The following TEKT5 variants were observed in gnomAD, a reference collection of about 807,000 sequenced individuals.
The protein encoded by TEKT5 is tektin-5.
Under a neutral mutation model 48.7 loss-of-function variants are expected in TEKT5, and 52 were observed. The ratio of observed to expected loss-of-function variants is 1.07; its 90% CI spans 0.86 to 1.35. TEKT5 has a LOEUF of 1.35. TEKT5 is among the 40% of genes most tolerant of loss of function. TEKT5 has a pLI of 0.00. For missense variants in TEKT5, 831 were observed against 641.6 expected, an observed-to-expected ratio of 1.30 and a Z score of -3.19; for synonymous variants, 318 against 267.6, an observed-to-expected ratio of 1.19 and a Z score of -1.84.
chr16:10,672,723 G>C (rs577151365), intron 5 of TEKT5, among the ~76,000 whole-genome samples: 2 of 152,294 alleles, frequency 1.3e-5, no homozygotes, highest in East Asian at 3.9e-4. Flanking sequence ...ATATAGGCAA[G>C]TAAATCAACT....
chr16:10,676,880 T>C (rs1898656027), intron 4 of TEKT5, among the ~76,000 whole-genome samples: 2 of 151,600 alleles, frequency 1.3e-5, no homozygotes, highest in Admixed American at 1.3e-4. Flanking sequence ...TTGTGTTATG[T>C]GCTGGGAAGG....
intron 3 of TEKT5, among the ~76,000 whole-genome samples, chr16:10,687,293 A>G (rs1490179699): frequency 2.0e-5 from 3 of 152,240 alleles, no homozygotes; most frequent in African/African-American, 7.2e-5. Context: ...TGAAATACAC[A>G]CGTAATTTCA....
At chr16:10,639,296 A>AGAGC (rs1440314074) in intron 5 of TEKT5, among the ~76,000 whole-genome samples, 3,382 of 151,160 alleles carry the variant, frequency 0.022, 126 homozygotes, top group African/African-American at 0.079. Flanking sequence ...TCCAAAAAAC[A>AGAGC]AAAACCCTAT....
At chr16:10,687,471 C>T (rs139744590) in intron 3 of TEKT5, among the ~76,000 whole-genome samples, 517 of 152,344 alleles carry the variant, frequency 3.4e-3, no homozygotes, top group Non-Finnish European at 6.3e-3. Flanking sequence ...TTAGGCCAGG[C>T]GCAGTGACTC....
chr16:10,629,238 A>G (rs1303040751), intron 6 of TEKT5, among the ~76,000 whole-genome samples: 1 of 151,750 alleles, frequency 6.6e-6, no homozygotes, highest in Non-Finnish European at 1.5e-5. Flanking sequence ...TTTGTGTTAC[A>G]TGTATTTTAT....
chr16:10,633,089 T>A (rs552989374), intron 6 of TEKT5, among the ~76,000 whole-genome samples: 1 of 152,316 alleles, frequency 6.6e-6, no homozygotes, highest in South Asian at 2.1e-4. Flanking sequence ...GGGCCGCCAC[T>A]GTGGCTCATG....
At chr16:10,634,131 T>A (rs139644885) in intron 6 of TEKT5, among the ~76,000 whole-genome samples, 196 of 152,336 alleles carry the variant, frequency 1.3e-3, no homozygotes, top group Admixed American at 2.3e-3. Context: ...TAGTGCTGTG[T>A]GACTGGGACA....
At chr16:10,658,673 C>A (rs75058356) in intron 5 of TEKT5, among the ~76,000 whole-genome samples, 6,823 of 152,040 alleles carry the variant, frequency 0.045, 497 homozygotes, top group African/African-American at 0.16. Context: ...GGTTTCCCAA[C>A]CTCATCACCT....
In TEKT5 at chr16:10,689,954, T is replaced by G; in HGVS notation, c.636A>C (p.Lys212Asn). 1 of 1,614,042 alleles carries G rather than the reference T, an allele frequency of 6.2e-7. No homozygotes were observed. The highest frequency in any genetic ancestry group is 8.5e-7 in the Non-Finnish European group (1 of 1,179,998). ...GIDLVHDNVE[K>N]NLIREVDLLK... is the part of the protein sequence containing the mutation. ...GGAGATGCCTTACCCGGATAAGGTT[T>G]TTCTCCACGTTGTCATGGACCAAAT... The change falls in exon 2 of 7, where the codon AAA (lysine) becomes AAC (asparagine). Residue 212 changes from lysine to asparagine, a missense_variant. Coordinates refer to ENST00000283025, the MANE Select transcript of TEKT5 (RefSeq NM_144674.2).
intron 1 of TEKT5, chr16:10,690,810 T>C (rs1898959392): frequency 2.4e-5 from 24 of 984,262 alleles, no homozygotes; most frequent in Non-Finnish European, 2.7e-5. Context: ...CAGCCCGTGA[T>C]GTCACAAAGG....
rs1899041751 is a variant in TEKT5 at position 10,694,510 on chromosome 16, G to A, written c.364C>T (p.Leu122Phe). The A allele has an allele frequency of 2.5e-6, 4 of 1,610,790 alleles. No homozygotes were observed. The highest frequency in any genetic ancestry group is 1.7e-4 in the Middle Eastern group (1 of 6,056). ...GTCAGCTGGTCCTTGTCCTGCAAGA[G>A]CCTCATGGAGTCATCCGTCAGCCGG... The part of the protein sequence containing the change: ...ASRLTDDSMR[L>F]LQDKDQLTHQ... Residue 122 changes from leucine to phenylalanine, a missense_variant, in exon 1 of 7, where the codon CTC (leucine) becomes TTC (phenylalanine). Transcript: ENST00000283025.
intron 3 of TEKT5, among the ~76,000 whole-genome samples, chr16:10,683,252 T>C (rs909225897): frequency 2.0e-5 from 1 of 50,658 alleles, no homozygotes; most frequent in African/African-American, 1.2e-4. Context: ...AAACACCAGA[T>C]GTTTAGGGAC....
At chr16:10,628,697 G>A (rs1035222787) in intron 6 of TEKT5, among the ~76,000 whole-genome samples, 2 of 152,134 alleles carry the variant, frequency 1.3e-5, no homozygotes, top group Admixed American at 1.3e-4. Context: ...CTGAGGTCAG[G>A]AGTTCAGGAC....
intron 5 of TEKT5, among the ~76,000 whole-genome samples, chr16:10,652,451 A>AACACACACACACACACAC (rs572277672): frequency 3.0e-5 from 2 of 66,730 alleles, no homozygotes; most frequent in African/African-American, 6.5e-5. Flanking sequence ...TACACAGGCA[A>AACACACACACACACACAC]ACACACACAC....
intron 5 of TEKT5, among the ~76,000 whole-genome samples, chr16:10,667,295 G>T (rs985154978): frequency 6.6e-6 from 1 of 152,028 alleles, no homozygotes; most frequent in Admixed American, 6.6e-5. Flanking sequence ...CCTTCCTTAC[G>T]TATGTTAAAG....
intron 5 of TEKT5, among the ~76,000 whole-genome samples, chr16:10,655,371 A>G (rs895782209): frequency 6.6e-6 from 1 of 152,202 alleles, no homozygotes; most frequent in African/African-American, 2.4e-5. Flanking sequence ...CTTACCCCCT[A>G]TTCAACCTTG....
At chr16:10,650,755 T>A (rs1256889178) in intron 5 of TEKT5, among the ~76,000 whole-genome samples, 1 of 151,936 alleles carries the variant, frequency 6.6e-6, no homozygotes, top group Non-Finnish European at 1.5e-5. Flanking sequence ...CGTGGTGGTG[T>A]GTGCCTGTAA....
intron 5 of TEKT5, among the ~76,000 whole-genome samples, chr16:10,654,777 C>T (rs1014035673): frequency 2.0e-5 from 3 of 152,126 alleles, no homozygotes; most frequent in African/African-American, 7.2e-5. Flanking sequence ...TCTCAGCCTC[C>T]ATAACCTCAC....
chr16:10,627,610 G>T lies in TEKT5; in HGVS notation c.1431C>A (p.Cys477Ter), dbSNP rs1353621717. 6.2e-7 allele frequency: 1 copy of T among 1,614,196 alleles called. No individual in the cohort carries two copies. ...AGGTGTGGCCCACCAGGCGCGGGGTGCAGGGGAAGGTCTTACGCATGCCCA... is the reference window on the plus strand; with the variant it reads ...AGGTGTGGCCCACCAGGCGCGGGGTTCAGGGGAAGGTCTTACGCATGCCCA... ...KCMGMRKTFP[C>*]TPRLVGHT The change falls in exon 7 of 7, where the codon TGC becomes TGA. Residue 477 changes from cysteine (C) to a stop codon, truncating the protein, a stop_gained. Transcript: ENST00000283025. LOFTEE classifies it high-confidence loss of function.
Sources: allele counts gnomAD v4.1 joint callset (sites outside exome capture counted in the v4.1 genomes callset), GRCh38; gene constraint gnomAD v4.1.1; transcripts MANE v1.5; gene names NCBI Gene and HGNC (gene_info 2026-07-23, HGNC 2026-07-21).